CCNA1: variants seen among roughly 807,000 people sequenced by gnomAD.
CCNA1 encodes the protein cyclin A1, also known as cyclin-A1.
A neutral mutation model predicts 54.1 loss-of-function variants in CCNA1; 23 were observed. The observed-to-expected ratio is 0.42, with a 90% CI of 0.31 to 0.60. CCNA1 has a LOEUF of 0.60. Ranked by LOEUF, CCNA1 falls within the 20% of genes least tolerant of loss-of-function variation. CCNA1 has a pLI of 0.14. For missense variants in CCNA1, 450 were observed against 556.7 expected, an observed-to-expected ratio of 0.81 and a Z score of 1.93; for synonymous variants, 208 against 213.9, an observed-to-expected ratio of 0.97 and a Z score of 0.24.
intron 2 of CCNA1, among the ~76,000 whole-genome samples, chr13:36,436,241 G>T (rs913744437): frequency 2.6e-5 from 4 of 152,180 alleles, no homozygotes; most frequent in African/African-American, 9.6e-5. Context: ...GCCTTGGCAA[G>T]TGAACAAAAA....
At chr13:36,433,522 T>G (rs71423154) in intron 2 of CCNA1, among the ~76,000 whole-genome samples, 1 of 125,460 alleles carries the variant, frequency 8.0e-6, no homozygotes, top group South Asian at 2.6e-4. Context: ...CTTTCCTTTT[T>G]TTTTCTTTCC....
chr13:36,442,683 C>G lies in CCNA1; in HGVS notation c.*18C>G. The G allele has an allele frequency of 1.9e-6, 3 of 1,607,756 alleles. No homozygotes were observed. Among genetic ancestry groups the G allele is most frequent in the Non-Finnish European group, 2.6e-6 (3 of 1,174,708 alleles). ...TACAATAAGTTTCTGAATGGAAGCACTTCCAGAACTTCACCTCCATATCAG... is the reference window on the plus strand; with the variant it reads ...TACAATAAGTTTCTGAATGGAAGCAGTTCCAGAACTTCACCTCCATATCAG... On this transcript the variant is annotated 3_prime_UTR_variant, in exon 9 of 9. Transcript: ENST00000255465.
In CCNA1 at chr13:36,442,297, G is replaced by C; in HGVS notation, c.1339G>C (p.Ala447Pro). ...GCAAGCAATTAGGGAGAAGTACAAG[G>C]CTTCAAAGTAAGTCACTGACATTTT... is the stretch of plus-strand genomic sequence containing the variant. The change falls in exon 8 of 9, where the codon GCT (alanine) becomes CCT (proline). Residue 447 changes from alanine to proline, a missense_variant. This residue lies in a region of CCNA1 where 53 missense variants were observed against 50.1 expected (regional missense o/e 1.06). Transcript: ENST00000255465. The C allele has an allele frequency of 1.2e-6, 2 of 1,613,688 alleles. No individual in the cohort carries two copies. The highest frequency in any genetic ancestry group is 3.3e-4 in the Middle Eastern group (2 of 6,062).
chr13:36,433,444 T>TTCTTTCTTTTCTTTC (rs1566169745), intron 2 of CCNA1, among the ~76,000 whole-genome samples: 7 of 63,972 alleles, frequency 1.1e-4, no homozygotes, highest in African/African-American at 3.2e-4. Context: ...CTTTCTTTCG[T>TTCTTTCTTTTCTTTC]TCTTTCTTTC....
chr13:36,431,886 A>C (rs1474403884), upstream of CCNA1: 1 of 152,620 alleles, frequency 6.6e-6, no homozygotes, highest in Non-Finnish European at 1.5e-5. Context: ...CAGGGTTCTC[A>C]GGAGCGGGCC....
chr13:36,431,590 G>A (rs2055707549), upstream of CCNA1: 3 of 152,224 alleles, frequency 2.0e-5, no homozygotes, highest in African/African-American at 7.2e-5. Context: ...CTCTCGTGGG[G>A]ACCTCGAGCA....
At chr13:36,432,934 A>T in intron 1 of CCNA1, 99 bp from the exon 2 acceptor site, 1 of 1,191,636 alleles carries the variant, frequency 8.4e-7, no homozygotes, top group Non-Finnish European at 1.2e-6. Flanking sequence ...TGTTAGTCCC[A>T]TTGCTTGGTG....
At chr13:36,433,934 G>A (rs893556770) in intron 2 of CCNA1, among the ~76,000 whole-genome samples, 3 of 152,162 alleles carry the variant, frequency 2.0e-5, no homozygotes, top group Non-Finnish European at 4.4e-5. Flanking sequence ...CAAGGAAATA[G>A]GTCTAGGAAC....
chr13:36,438,577 C>G, intron 4 of CCNA1, 67 bp from the exon 5 acceptor site: 1 of 1,092,452 alleles, frequency 9.2e-7, no homozygotes, highest in Non-Finnish European at 1.4e-6. Flanking sequence ...TTTTAAATAG[C>G]AACTATATTG....
Position 36,438,211 on chromosome 13 carries a change from A to G in CCNA1, c.669+20A>G, listed in dbSNP as rs377540850. ...GCTGAAGTAAGTTTTCCCACCTTCT[A>G]CTTCAATCTTCAGGACCCGAGCTCT... On this transcript the variant is annotated intron_variant, in intron 4 of 8. Coordinates refer to ENST00000255465, the MANE Select transcript of CCNA1 (RefSeq NM_003914.4). 6.2e-7 allele frequency: 1 copy of G among 1,604,058 alleles called. No homozygotes were observed. Among genetic ancestry groups the G allele is most frequent in the African/African-American group, 1.3e-5 (1 of 74,568 alleles).
At chr13:36,442,453 G>A in intron 8 of CCNA1, 149 bp downstream of exon 8, 1 of 1,115,386 alleles carries the variant, frequency 9.0e-7, no homozygotes. Context: ...AAATAAATTT[G>A]AAAAGACCTA....
chr13:36,435,097 C>T lies in CCNA1; in HGVS notation c.297+1876C>T, dbSNP rs139394714. ...TCCCTTTTTCAGCTAGAAATGGTGA[C>T]GAATTTTCTTTGTTAGTTTTCCAAT... On this transcript the variant is annotated intron_variant, in intron 2 of 8. Coordinates refer to ENST00000255465, the MANE Select transcript of CCNA1 (RefSeq NM_003914.4). Among the ~76,000 whole-genome samples, 208 of 152,216 alleles carry T rather than the reference C, an allele frequency of 1.4e-3. 2 individuals carry two copies. In the Middle Eastern group the frequency reaches 0.017, roughly 12 times the overall value.
Position 36,433,440 on chromosome 13 carries a change from T to TTCTTTCTTTCTTTTCTTTC in CCNA1, c.297+221_297+222insTTTCTTTCTTTTCTTTCTC, listed in dbSNP as rs1566169715. 2.2e-3 allele frequency among the ~76,000 whole-genome samples: 176 copies of TTCTTTCTTTCTTTTCTTTC among 79,922 alleles called. 5 individuals are homozygous for TTCTTTCTTTCTTTTCTTTC. The highest frequency in any genetic ancestry group is 6.3e-3 in the Middle Eastern group (1 of 158). 52.4% of individuals were successfully genotyped at this position (79,922 alleles called of 152,430 possible). On this transcript the variant is annotated intron_variant, in intron 2 of 8. Coordinates refer to ENST00000255465, the MANE Select transcript of CCNA1 (RefSeq NM_003914.4). Reference sequence around the variant, plus strand: ...TTTCTTTCTTTCTTTCTTTCTTTCTTTCGTTCTTTCTTTCTTTCTTTTCTT... The same window carrying TTCTTTCTTTCTTTTCTTTC: ...TTTCTTTCTTTCTTTCTTTCTTTCTTTCTTTCTTTCTTTTCTTTCTCGTTCTTTCTTTCTTTCTTTTCTT...
intron 2 of CCNA1, among the ~76,000 whole-genome samples, chr13:36,435,011 T>G (rs1391568463): frequency 1.3e-5 from 2 of 152,176 alleles, no homozygotes; most frequent in Non-Finnish European, 2.9e-5. Flanking sequence ...CCTCTGAGTA[T>G]TACAACCCTG....
intron 4 of CCNA1, 105 bp from the exon 5 acceptor site, chr13:36,438,539 G>T: frequency 1.2e-6 from 1 of 809,192 alleles, no homozygotes. Flanking sequence ...GCTCTGATCA[G>T]AATCTTTCCA....
Position 36,440,063 on chromosome 13 carries a change from A to G in CCNA1, c.978A>G (p.Lys326=). 1.2e-6 allele frequency: 2 copies of G among 1,613,862 alleles called. No homozygotes were observed. Among genetic ancestry groups the G allele is most frequent in the South Asian group, 2.2e-5 (2 of 91,072 alleles). Residue 326 remains lysine (K), a synonymous_variant, in exon 6 of 9, where the codon AAA becomes AAG. Coordinates refer to ENST00000255465, the MANE Select transcript of CCNA1 (RefSeq NM_003914.4). ...CATACACAAAACGACAACTGTTAAA[A>G]ATGGAACACTTGCTTCTGAAAGTTC...
chr13:36,435,518 C>T (rs1380979646), intron 2 of CCNA1, among the ~76,000 whole-genome samples: 8 of 152,176 alleles, frequency 5.3e-5, no homozygotes, highest in African/African-American at 1.9e-4. Flanking sequence ...ATAATTTCTT[C>T]TCATTCAGCT....
chr13:36,432,708 G>A lies in CCNA1; in HGVS notation c.87G>A (p.Gly29=), dbSNP rs140980274. Residue 29 remains glycine, a synonymous_variant, in exon 1 of 9, where the codon GGG becomes GGA. Coordinates refer to ENST00000255465, the MANE Select transcript of CCNA1 (RefSeq NM_003914.4). ...AGTATCTCAGCTGGGAAGGACCGGG[G>A]CTCCCAGATTTCGTCTTCCAGGTAA... The A allele has an allele frequency of 3.7e-4, 603 of 1,611,172 alleles. 1 individual carries two copies. Among genetic ancestry groups the A allele is most frequent in the Non-Finnish European group, 4.6e-4 (545 of 1,177,876 alleles).
intron 1 of CCNA1, 103 bp from the exon 2 acceptor site, chr13:36,432,930 T>TGGGACTAACA: frequency 8.9e-7 from 1 of 1,118,436 alleles, no homozygotes; most frequent in Non-Finnish European, 1.3e-6. Flanking sequence ...TTGGTGTTAG[T>TGGGACTAACA]CCCATTGCTT....
Sources: allele counts gnomAD v4.1 joint callset (sites outside exome capture counted in the v4.1 genomes callset), GRCh38; gene constraint gnomAD v4.1.1; regional missense constraint gnomAD v4.1.1; transcripts MANE v1.5; gene names NCBI Gene and HGNC (gene_info 2026-07-23, HGNC 2026-07-21).